SH3RF3: variants seen among roughly 807,000 people sequenced by gnomAD.
The protein encoded by SH3RF3 is SH3 domain containing ring finger 3, also known as E3 ubiquitin-protein ligase SH3RF3.
In SH3RF3, 29 loss-of-function variants were observed where a neutral mutation model predicts 66.3. That is an observed-to-expected ratio of 0.44 (90% CI 0.33 to 0.60). SH3RF3 has a LOEUF of 0.60. Ranked by LOEUF, SH3RF3 falls within the 20% of genes least tolerant of loss-of-function variation. The pLI, the probability that SH3RF3 is intolerant of heterozygous loss-of-function variation, is 0.04. For synonymous variants in SH3RF3, 583 were observed against 532.0 expected (o/e 1.10, Z -1.32); for missense variants, 1,194 against 1,190.9 (o/e 1.00, Z -0.04).
chr2:109,302,205 T>C (rs762158335), intron 1 of SH3RF3, among the ~76,000 whole-genome samples: 6 of 152,180 alleles, frequency 3.9e-5, no homozygotes, highest in Non-Finnish European at 5.9e-5. Context: ...CTGGGACACA[T>C]GCAATTTGTG....
rs1682751526 is a variant in SH3RF3 at position 109,347,870 on chromosome 2, C to A, written c.770C>A (p.Ala257Asp). Reference protein sequence around the residue: ...YIQCIQPLPHAPPQGKALYDF... With the variant: ...YIQCIQPLPHDPPQGKALYDF... Reference sequence around the variant, plus strand: ...CAGTGCATCCAGCCCTTGCCACACGCCCCGCCCCAGGGAAAAGCACTTTAT... The same window carrying A: ...CAGTGCATCCAGCCCTTGCCACACGACCCGCCCCAGGGAAAAGCACTTTAT... Residue 257 changes from alanine to aspartate, a missense_variant, in exon 2 of 10, where the codon GCC (alanine) becomes GAC (aspartate). By Grantham distance (126) the Ala-to-Asp change is moderately radical. Coordinates refer to ENST00000309415, the MANE Select transcript of SH3RF3 (RefSeq NM_001099289.3). The A allele has an allele frequency of 6.2e-7, 1 of 1,613,334 alleles. No individual in the cohort carries two copies. The highest frequency in any genetic ancestry group is 8.5e-7 in the Non-Finnish European group (1 of 1,179,632).
At chr2:109,491,887 C>G (rs1362677814) in intron 9 of SH3RF3, among the ~76,000 whole-genome samples, 1 of 152,224 alleles carries the variant, frequency 6.6e-6, no homozygotes, top group Non-Finnish European at 1.5e-5. Context: ...CAGCCTCTGC[C>G]CTGAACACCT....
intron 1 of SH3RF3, among the ~76,000 whole-genome samples, chr2:109,150,469 A>G (rs1261012236): frequency 2.6e-5 from 4 of 152,228 alleles, no homozygotes; most frequent in African/African-American, 9.6e-5. Flanking sequence ...TTCTTAGAAA[A>G]ATAGTTTTTT....
rs1450304974 is a variant in SH3RF3 at position 109,490,691 on chromosome 2, C to T, written c.2235C>T (p.Thr745=). ...KSRSPPSVSP[T]HDPQVAVDAL... ...GCTCCCCGCCATCTGTGTCTCCAAC[C>T]CACGACCCCCAGGTGGCCGTGGACG... Residue 745 remains threonine (T), a synonymous_variant, in exon 9 of 10, where the codon ACC becomes ACT. Coordinates refer to ENST00000309415, the MANE Select transcript of SH3RF3 (RefSeq NM_001099289.3). 2.0e-6 allele frequency: 3 copies of T among 1,532,054 alleles called. No homozygotes were observed. Among genetic ancestry groups the T allele is most frequent in the East Asian group, 2.5e-5 (1 of 40,682 alleles). 94.9% of individuals were successfully genotyped at this position (1,532,054 alleles called of 1,614,324 possible).
intron 1 of SH3RF3, among the ~76,000 whole-genome samples, chr2:109,301,601 G>T (rs1681471189): frequency 6.6e-6 from 1 of 152,100 alleles, no homozygotes; most frequent in Admixed American, 6.5e-5. Flanking sequence ...CGTCCCCAGG[G>T]CCTCTGTGGG....
rs1031663373 is a variant in SH3RF3 at position 109,181,529 on chromosome 2, A to G, written c.573+51416A>G. Among the ~76,000 whole-genome samples the G allele has an allele frequency of 4.6e-5, 7 of 152,296 alleles. No individual in the cohort carries two copies. The East Asian group carries it at 1.3e-3, about 29-fold the overall frequency. On this transcript the variant is annotated intron_variant, in intron 1 of 9. Coordinates refer to ENST00000309415, the MANE Select transcript of SH3RF3 (RefSeq NM_001099289.3). ...AACAAACACAGCAGAAAAGTACCCA[A>G]AAGTTTCTTTATCCTCTGGTCCATG... is the stretch of plus-strand genomic sequence containing the variant.
chr2:109,396,837 C>T (rs1206405609), intron 3 of SH3RF3, among the ~76,000 whole-genome samples: 1 of 152,240 alleles, frequency 6.6e-6, no homozygotes, highest in Non-Finnish European at 1.5e-5. Context: ...CCCCAGGTAG[C>T]CTGCACTTCC....
At chr2:109,388,675 G>A (rs1435775799) in intron 3 of SH3RF3, among the ~76,000 whole-genome samples, 1 of 152,204 alleles carries the variant, frequency 6.6e-6, no homozygotes, top group Admixed American at 6.5e-5. Flanking sequence ...CATGTACTTT[G>A]CCCCCAGCAC....
chr2:109,392,562 G>T (rs1302367372), intron 3 of SH3RF3, among the ~76,000 whole-genome samples: 1 of 152,016 alleles, frequency 6.6e-6, no homozygotes, highest in African/African-American at 2.4e-5. Context: ...CAGGCTGAGT[G>T]CAGTGGCGTG....
chr2:109,208,472 G>A (rs1448627631), intron 1 of SH3RF3, among the ~76,000 whole-genome samples: 1 of 152,224 alleles, frequency 6.6e-6, no homozygotes, highest in Non-Finnish European at 1.5e-5. Flanking sequence ...GCCCTGTGGA[G>A]AAGGGCAAAG....
intron 8 of SH3RF3, among the ~76,000 whole-genome samples, chr2:109,471,266 GAA>G (rs997664653): frequency 6.6e-5 from 10 of 150,912 alleles, no homozygotes; most frequent in African/African-American, 2.2e-4. Context: ...ATGTATAAAG[GAA>G]AGAGGTTTGA....
rs573247684 is a variant in SH3RF3, at chr2:109,328,865, T to A, written c.574-18809T>A. Among the ~76,000 whole-genome samples, 3 of 152,274 alleles carry A rather than the reference T, an allele frequency of 2.0e-5. No homozygotes were observed. In the South Asian group the frequency reaches 6.2e-4, roughly 32 times the overall value. ...GTGGAATGTCTGAGTGTCAAATATA[T>A]CCCTGGACTCCCAGTTGCCTTCTCC... On this transcript the variant is annotated intron_variant, in intron 1 of 9. Transcript: ENST00000309415.
intron 4 of SH3RF3, among the ~76,000 whole-genome samples, chr2:109,402,167 C>T (rs72945307): frequency 0.031 from 4,726 of 152,332 alleles, 240 homozygotes; most frequent in African/African-American, 0.11. Flanking sequence ...ACCAAGCCCT[C>T]CCGGTCTGCC....
chr2:109,219,210 T>A (rs1398509525), intron 1 of SH3RF3, among the ~76,000 whole-genome samples: 1 of 152,222 alleles, frequency 6.6e-6, no homozygotes, highest in Non-Finnish European at 1.5e-5. Context: ...ACTTGGGAGC[T>A]TCCATGAGAG....
At chr2:109,332,851 A>G (rs2105495420) in intron 1 of SH3RF3, among the ~76,000 whole-genome samples, 1 of 152,356 alleles carries the variant, frequency 6.6e-6, no homozygotes, top group Non-Finnish European at 1.5e-5. Flanking sequence ...TGTCCTCACA[A>G]AAGTGTTGAA....
At chr2:109,188,196 G>A (rs748953168) in intron 1 of SH3RF3, among the ~76,000 whole-genome samples, 2 of 152,242 alleles carry the variant, frequency 1.3e-5, no homozygotes, top group Admixed American at 6.5e-5. Context: ...CCCTGGGCCC[G>A]AAGGGCTTTC....
At chr2:109,343,982 GA>G (rs1401021920) in intron 1 of SH3RF3, among the ~76,000 whole-genome samples, 1 of 152,078 alleles carries the variant, frequency 6.6e-6, no homozygotes. Flanking sequence ...GGCCTCAAGT[GA>G]TTTTCCATCC....
intron 8 of SH3RF3, among the ~76,000 whole-genome samples, chr2:109,476,109 C>G (rs774399460): frequency 6.6e-6 from 1 of 152,178 alleles, no homozygotes; most frequent in Non-Finnish European, 1.5e-5. Context: ...GTTAAGTGTT[C>G]TTACCAAACT....
intron 8 of SH3RF3, among the ~76,000 whole-genome samples, chr2:109,486,010 C>T (rs1052671172): frequency 8.5e-5 from 13 of 152,244 alleles, no homozygotes; most frequent in African/African-American, 2.4e-4. Flanking sequence ...TCAGTGTGTG[C>T]GCTCCAGCCA....
Sources: allele counts gnomAD v4.1 joint callset (sites outside exome capture counted in the v4.1 genomes callset), GRCh38; gene constraint gnomAD v4.1.1; transcripts MANE v1.5; gene names NCBI Gene and HGNC (gene_info 2026-07-23, HGNC 2026-07-21).